Variants in NDUFAF6 observed in about 807,000 individuals in gnomAD.
The protein encoded by NDUFAF6 is NADH dehydrogenase (ubiquinone) complex I, assembly factor 6.
In NDUFAF6, 45 loss-of-function variants were observed where a neutral mutation model predicts 40.8. The ratio of observed to expected loss-of-function variants is 1.10; its 90% CI spans 0.87 to 1.42. NDUFAF6 has a LOEUF of 1.42. Ranked by LOEUF, NDUFAF6 falls within the 40% of genes most tolerant of loss-of-function variation. NDUFAF6 has a pLI of 0.00. For synonymous variants in NDUFAF6, 185 were observed against 155.9 expected (o/e 1.19, Z -1.39); for missense variants, 435 against 418.5 (o/e 1.04, Z -0.34).
At chr8:95,039,798 A>G (rs1162034403) in intron 3 of NDUFAF6, among the ~76,000 whole-genome samples, 4 of 151,068 alleles carry the variant, frequency 2.6e-5, no homozygotes, top group Non-Finnish European at 5.9e-5. Context: ...TAATTTTTAA[A>G]TGTTTTGTAG....
At chr8:94,993,842 A>C (rs975897182) in intron 2 of NDUFAF6, among the ~76,000 whole-genome samples, 7 of 152,244 alleles carry the variant, frequency 4.6e-5, no homozygotes, top group Non-Finnish European at 2.9e-5. Context: ...TTTACACACA[A>C]CAGTCATTGA....
At chr8:94,911,762 ATTC>A (rs1818795737) in intron 1 of NDUFAF6, among the ~76,000 whole-genome samples, 1 of 152,226 alleles carries the variant, frequency 6.6e-6, no homozygotes, top group Non-Finnish European at 1.5e-5. Context: ...TGGATCATTT[ATTC>A]TTAATTTAGA....
intron 1 of NDUFAF6, chr8:94,930,636 A>G: frequency 6.2e-7 from 1 of 1,614,220 alleles, no homozygotes; most frequent in Non-Finnish European, 8.5e-7. Context: ...GGAAGGGCGA[A>G]AGCTCTTGGG....
chr8:95,061,579 A>G (rs1307834066), downstream of NDUFAF6, among the ~76,000 whole-genome samples: 1 of 152,150 alleles, frequency 6.6e-6, no homozygotes, highest in East Asian at 1.9e-4. Flanking sequence ...ATGAATGTAT[A>G]TTTTTTGGAA....
Position 95,057,959 on chromosome 8 carries a change from T to G in NDUFAF6, c.*22T>G. On this transcript the variant is annotated 3_prime_UTR_variant, in exon 9 of 9. Transcript: ENST00000396124. ...TTAAAATAATTTCATGGCATTGATG[T>G]TAATTCTAGTCTATTAGTTTTATAA... 1 of 1,500,454 alleles carries G rather than the reference T, an allele frequency of 6.7e-7. No homozygotes were observed. The highest frequency in any genetic ancestry group is 9.3e-7 in the Non-Finnish European group (1 of 1,080,104). 92.9% of individuals were successfully genotyped at this position (1,500,454 alleles called of 1,614,324 possible). A position where few individuals can be genotyped will look rare whatever the true frequency, so the allele number is the denominator to read the frequency against.
chr8:95,015,755 T>G (rs183078436), intron 2 of NDUFAF6, among the ~76,000 whole-genome samples: 1 of 152,288 alleles, frequency 6.6e-6, no homozygotes, highest in East Asian at 1.9e-4. Context: ...TACTTTTATA[T>G]AGTGATAAGT....
Position 95,011,589 on chromosome 8 carries a change from G to A in NDUFAF6, c.-83-20406G>A, listed in dbSNP as rs533047261. Among the ~76,000 whole-genome samples, 32 of 152,276 alleles carry A rather than the reference G, an allele frequency of 2.1e-4. No homozygotes were observed. In the South Asian group the frequency reaches 6.2e-3, roughly 30 times the overall value. On this transcript the variant is annotated intron_variant, in intron 2 of 9. Transcript: ENST00000396111. ...TAGATGCAGCTGGTGCCCTCCTGGT[G>A]TACACTCTTTTGACCTTTCACCTTC...
intron 2 of NDUFAF6, among the ~76,000 whole-genome samples, chr8:95,085,231 C>G (rs538691145): frequency 1.3e-5 from 2 of 152,116 alleles, no homozygotes; most frequent in Non-Finnish European, 2.9e-5. Flanking sequence ...AAAAAGAAGT[C>G]TTTAGATAAT....
downstream of NDUFAF6, among the ~76,000 whole-genome samples, chr8:95,104,510 C>T (rs1809757930): frequency 6.6e-6 from 1 of 152,206 alleles, no homozygotes. Context: ...TACCTTTAAA[C>T]ACAAAGGTAC....
chr8:95,065,144 G>C (rs140806669), intron 9 of NDUFAF6, among the ~76,000 whole-genome samples: 2 of 152,198 alleles, frequency 1.3e-5, no homozygotes, highest in Non-Finnish European at 2.9e-5. Flanking sequence ...GTGAGCCTAG[G>C]TATTAGCAAA....
At chr8:95,046,036 A>ATTTTATTTTATTTTTTT (rs564535151) in intron 5 of NDUFAF6, among the ~76,000 whole-genome samples, 23 of 150,860 alleles carry the variant, frequency 1.5e-4, no homozygotes, top group African/African-American at 5.6e-4. Context: ...AAACACATTT[A>ATTTTATTTTATTTTTTT]TTTTATTTTA....
Position 95,058,684 on chromosome 8 carries a change from C to T in NDUFAF6, c.*747C>T. The T allele has an allele frequency of 9.7e-7, 1 of 1,031,658 alleles. No individual in the cohort carries two copies. The highest frequency in any genetic ancestry group is 1.2e-6 in the Non-Finnish European group (1 of 860,816). 63.9% of individuals were successfully genotyped at this position (1,031,658 alleles called of 1,614,324 possible). ...GTGATATGAACGGTATTGTATTGAA[C>T]ATCCATTAAAGGGTTGCTACACTTT... On this transcript the variant is annotated 3_prime_UTR_variant, in exon 9 of 9. Coordinates refer to ENST00000396124, the MANE Select transcript of NDUFAF6 (RefSeq NM_152416.4).
At chr8:95,002,286 T>C (rs890651226) in intron 2 of NDUFAF6, among the ~76,000 whole-genome samples, 2 of 152,252 alleles carry the variant, frequency 1.3e-5, no homozygotes, top group African/African-American at 4.8e-5. Flanking sequence ...TTCTCTATTA[T>C]TCATTTTCTA....
rs529165280 is a variant in NDUFAF6 at position 95,054,681 on chromosome 8, C to T, written c.873+2451C>T. On this transcript the variant is annotated intron_variant, in intron 8 of 8. Transcript: ENST00000396124. ...AATGCCTGACTTCAGGTGATCCACC[C>T]GCCTTGGCCTCCCACAGTGCTGGGA... is the stretch of plus-strand genomic sequence containing the variant. Among the ~76,000 whole-genome samples the T allele has an allele frequency of 1.3e-4, 19 of 151,730 alleles. No homozygotes were observed. In the South Asian group the frequency reaches 1.9e-3, roughly 15 times the overall value.
chr8:94,916,982 C>T (rs1043491288), intron 1 of NDUFAF6, among the ~76,000 whole-genome samples: 2 of 151,156 alleles, frequency 1.3e-5, no homozygotes, highest in Non-Finnish European at 2.9e-5. Flanking sequence ...GGCATGGTGG[C>T]GGGCACCTGT....
At chr8:95,045,788 A>G in intron 5 of NDUFAF6, 141 bp downstream of exon 5, 1 of 641,590 alleles carries the variant, frequency 1.6e-6, no homozygotes, top group African/African-American at 1.9e-5. Flanking sequence ...TTTTTTTGTT[A>G]TTATTATTAG....
At chr8:94,944,166 C>T (rs1821794477) in intron 1 of NDUFAF6, among the ~76,000 whole-genome samples, 1 of 152,202 alleles carries the variant, frequency 6.6e-6, no homozygotes, top group African/African-American at 2.4e-5. Flanking sequence ...TTCTGCAGAG[C>T]ATGGTGCTGG....
intron 2 of NDUFAF6, among the ~76,000 whole-genome samples, chr8:94,981,958 G>A (rs538060308): frequency 1.4e-3 from 216 of 151,590 alleles, no homozygotes; most frequent in African/African-American, 4.6e-3. Context: ...GGCCAGGCGC[G>A]GTGGCTCACG....
intron 2 of NDUFAF6, among the ~76,000 whole-genome samples, chr8:94,986,215 A>G (rs1370377869): frequency 1.3e-5 from 2 of 152,218 alleles, no homozygotes; most frequent in African/African-American, 4.8e-5. Context: ...GCAAAATCAT[A>G]CATCACAAGT....
Sources: gnomAD v4.1 joint callset for allele counts (sites outside exome capture counted in the v4.1 genomes callset) on GRCh38, gnomAD v4.1.1 for gene constraint, MANE v1.5 for transcripts, NCBI Gene and HGNC (gene_info 2026-07-23, HGNC 2026-07-21) for gene names.